The following GLCCI1 variants were observed in gnomAD, a reference collection of about 807,000 sequenced individuals.
The protein encoded by GLCCI1 is glucocorticoid-induced transcript 1 protein.
A neutral mutation model predicts 52.2 loss-of-function variants in GLCCI1; 24 were observed. The observed-to-expected ratio is 0.46, with a 90% CI of 0.33 to 0.65. The LOEUF (loss-of-function observed/expected upper bound fraction) is 0.65, where lower values mean the gene tolerates loss of function less well. Among genes scored for constraint, GLCCI1 ranks in the 30% least tolerant of loss-of-function variants. The pLI is 0.02. For synonymous variants in GLCCI1, 310 were observed against 276.5 expected (o/e 1.12, Z -1.20); for missense variants, 704 against 701.5 (o/e 1.00, Z -0.04).
chr7:8,033,566 T>A lies in GLCCI1; in HGVS notation c.696+10997T>A, dbSNP rs577422058. On this transcript the variant is annotated intron_variant, in intron 3 of 7. Coordinates refer to ENST00000223145, the MANE Select transcript of GLCCI1 (RefSeq NM_138426.4). ...TTTACCAAGGTTACATGATATGAGA[T>A]CAACATACAGAGATCAATTATATTT... 3.9e-5 allele frequency among the ~76,000 whole-genome samples: 6 copies of A among 152,174 alleles called. No homozygotes were observed. In the South Asian group the frequency reaches 1.2e-3, roughly 32 times the overall value.
intron 1 of GLCCI1, among the ~76,000 whole-genome samples, chr7:7,972,416 A>G (rs190299308): frequency 6.1e-4 from 93 of 152,290 alleles, no homozygotes; most frequent in African/African-American, 2.2e-3. Flanking sequence ...CTCAAGGGGT[A>G]GGTATATAGT....
chr7:8,019,661 A>C (rs993541759), intron 2 of GLCCI1, among the ~76,000 whole-genome samples: 2 of 152,190 alleles, frequency 1.3e-5, no homozygotes, highest in Non-Finnish European at 2.9e-5. Flanking sequence ...GGTGTAGCCT[A>C]CTACACACTG....
In GLCCI1 at chr7:8,068,453, A is replaced by G. The variant is rs112462950; in HGVS notation, c.967-2468A>G. ...TTCTGCTATTAATATTTGGGATTGC[A>G]TTATGAAAGTCTCATAGTGTGTTTT... is the stretch of plus-strand genomic sequence containing the variant. On this transcript the variant is annotated intron_variant, in intron 5 of 7. Transcript: ENST00000223145. Among the ~76,000 whole-genome samples, 39 of 152,330 alleles carry G rather than the reference A, an allele frequency of 2.6e-4. 1 individual carries two copies. The highest frequency in any genetic ancestry group is 5.8e-4 in the African/African-American group (24 of 41,568).
At chr7:8,042,409 A>C (rs542830058) in intron 3 of GLCCI1, among the ~76,000 whole-genome samples, 1 of 152,312 alleles carries the variant, frequency 6.6e-6, no homozygotes, top group South Asian at 2.1e-4. Flanking sequence ...CATTAACAGG[A>C]GCTTGGAAGA....
chr7:7,986,855 C>A (rs577151996), intron 1 of GLCCI1, among the ~76,000 whole-genome samples: 1 of 152,224 alleles, frequency 6.6e-6, no homozygotes, highest in Non-Finnish European at 1.5e-5. Flanking sequence ...TTGACTTTTT[C>A]TCCTCACTCA....
chr7:7,971,226 A>G (rs1231438769), intron 1 of GLCCI1, among the ~76,000 whole-genome samples: 5 of 152,300 alleles, frequency 3.3e-5, no homozygotes, highest in African/African-American at 9.6e-5. Context: ...AGAAACTGAC[A>G]TCCTCCAGCA....
intron 3 of GLCCI1, among the ~76,000 whole-genome samples, chr7:8,048,511 G>A (rs1204108056): frequency 6.6e-6 from 1 of 152,122 alleles, no homozygotes; most frequent in East Asian, 1.9e-4. Context: ...TCTTTTCAGA[G>A]TGTGGAGTGT....
chr7:8,083,502 C>A (rs1314177903), intron 6 of GLCCI1, among the ~76,000 whole-genome samples: 2 of 152,138 alleles, frequency 1.3e-5, no homozygotes, highest in African/African-American at 4.8e-5. Flanking sequence ...TCCTATTCCT[C>A]CTCCTTCCTC....
intron 4 of GLCCI1, among the ~76,000 whole-genome samples, chr7:8,057,850 A>G (rs558082511): frequency 3.1e-4 from 47 of 152,294 alleles, no homozygotes; most frequent in Middle Eastern, 3.4e-3. Context: ...TCAAATTTAC[A>G]TTGAATTTTT....
intron 1 of GLCCI1, among the ~76,000 whole-genome samples, chr7:7,982,492 T>C (rs148811879): frequency 2.6e-5 from 4 of 152,334 alleles, no homozygotes; most frequent in African/African-American, 9.6e-5. Context: ...TTTACTCTTC[T>C]TTTAAAATGA....
intron 1 of GLCCI1, among the ~76,000 whole-genome samples, chr7:7,971,707 C>G (rs1376731647): frequency 6.6e-6 from 1 of 152,182 alleles, no homozygotes; most frequent in Non-Finnish European, 1.5e-5. Flanking sequence ...GCTCCATCAT[C>G]AAGCAGTTTT....
intron 2 of GLCCI1, among the ~76,000 whole-genome samples, chr7:8,014,201 G>A (rs1781331450): frequency 6.6e-6 from 1 of 152,104 alleles, no homozygotes; most frequent in Non-Finnish European, 1.5e-5. Context: ...ATGTTGGTCA[G>A]GCTGGTCTCA....
At chr7:7,998,188 TTTTG>T (rs1172688702) in intron 1 of GLCCI1, among the ~76,000 whole-genome samples, 3 of 150,016 alleles carry the variant, frequency 2.0e-5, no homozygotes, top group African/African-American at 5.0e-5. Context: ...TTTTTTTTTT[TTTTG>T]TTGTTGTTGT....
intron 6 of GLCCI1, among the ~76,000 whole-genome samples, chr7:8,075,941 A>G (rs1020604898): frequency 6.6e-6 from 1 of 152,196 alleles, no homozygotes; most frequent in Admixed American, 6.5e-5. Flanking sequence ...CTAAACTTTT[A>G]GTGTTAGGAC....
At chr7:7,989,059 GATGA>G (rs1364729888) in intron 1 of GLCCI1, among the ~76,000 whole-genome samples, 2 of 152,146 alleles carry the variant, frequency 1.3e-5, no homozygotes, top group Non-Finnish European at 2.9e-5. Flanking sequence ...AGAGCCATGA[GATGA>G]ATGAAGTCTG....
intron 1 of GLCCI1, among the ~76,000 whole-genome samples, chr7:7,976,638 A>G (rs1466532980): frequency 1.3e-5 from 2 of 150,766 alleles, no homozygotes; most frequent in Non-Finnish European, 3.0e-5. Context: ...CCTGCTGGGC[A>G]TGGTGGCTCA....
At chr7:8,067,772 G>A (rs35225784) in intron 5 of GLCCI1, among the ~76,000 whole-genome samples, 8,903 of 152,186 alleles carry the variant, frequency 0.059, 636 homozygotes, top group African/African-American at 0.17. Context: ...CTCTCCAGCT[G>A]CCTTTAACAT....
intron 4 of GLCCI1, among the ~76,000 whole-genome samples, chr7:8,057,719 T>C (rs2127959817): frequency 6.6e-6 from 1 of 152,316 alleles, no homozygotes; most frequent in Non-Finnish European, 1.5e-5. Flanking sequence ...CTTATATGCC[T>C]TCCTTTTTCT....
At chr7:8,071,600 A>C (rs1782763876) in intron 6 of GLCCI1, among the ~76,000 whole-genome samples, 1 of 152,220 alleles carries the variant, frequency 6.6e-6, no homozygotes, top group African/African-American at 2.4e-5. Flanking sequence ...ACAGGACATC[A>C]GGGATTTTAT....
Sources: allele counts gnomAD v4.1 joint callset (sites outside exome capture counted in the v4.1 genomes callset), GRCh38; gene constraint gnomAD v4.1.1; transcripts MANE v1.5; gene names NCBI Gene and HGNC (gene_info 2026-07-23, HGNC 2026-07-21).